PRH1: variants seen among roughly 807,000 people sequenced by gnomAD.
PRH1 encodes proline rich protein HaeIII subfamily 1.
Under a neutral mutation model 7.9 loss-of-function variants are expected in PRH1, and 7 were observed. The ratio of observed to expected loss-of-function variants is 0.89; its 90% CI spans 0.50 to 1.67. PRH1 has a LOEUF of 1.67. Ranked by LOEUF, PRH1 falls within the 40% of genes most tolerant of loss-of-function variation. The pLI is 0.00. For synonymous variants in PRH1, 45 were observed against 80.8 expected (o/e 0.56, Z 2.38); for missense variants, 109 against 223.6 (o/e 0.49, Z 3.27).
intron 1 of PRH1, among the ~76,000 whole-genome samples, chr12:10,995,751 A>G (rs887934223): frequency 6.6e-6 from 1 of 152,148 alleles, no homozygotes; most frequent in Non-Finnish European, 1.5e-5. Flanking sequence ...TCAGATCTCA[A>G]CTTCAAAAAG....
At chr12:11,090,982 T>TA (rs1172465467) in intron 1 of PRH1, among the ~76,000 whole-genome samples, 2 of 108,402 alleles carry the variant, frequency 1.8e-5, no homozygotes, top group Non-Finnish European at 4.3e-5. Context: ...ATGAATGAAA[T>TA]AAACATGGCT....
intron 1 of PRH1, among the ~76,000 whole-genome samples, chr12:11,156,254 T>C (rs1947246006): frequency 1.3e-5 from 2 of 152,076 alleles, no homozygotes; most frequent in Non-Finnish European, 2.9e-5. Flanking sequence ...AGTTGATCCT[T>C]TCAACATAAT....
chr12:10,884,046 G>A lies in PRH1; in HGVS notation c.64+108C>T. ...TGATCCTCAGCATGAGAACTCTGCA[G>A]TCCCATCTGTTTTCTCATCCTCCTC... On this transcript the variant is annotated intron_variant, in intron 1 of 3. Coordinates refer to ENST00000543626, the MANE Select transcript of PRH1 (RefSeq NM_001393989.1). 6 of 1,331,484 alleles carry A rather than the reference G, an allele frequency of 4.5e-6. No individual in the cohort carries two copies. In the South Asian group the frequency reaches 7.7e-5, roughly 17 times the overall value. 82.5% of individuals were successfully genotyped at this position (1,331,484 alleles called of 1,614,324 possible).
intron 1 of PRH1, among the ~76,000 whole-genome samples, chr12:11,043,575 G>A (rs553266339): frequency 6.6e-6 from 1 of 151,228 alleles, no homozygotes; most frequent in South Asian, 2.1e-4. Context: ...TATTAGAATT[G>A]ATAAACAAAC....
intron 1 of PRH1, among the ~76,000 whole-genome samples, chr12:11,071,774 G>A (rs1202324466): frequency 1.7e-4 from 26 of 152,250 alleles, no homozygotes; most frequent in Middle Eastern, 3.4e-3. Context: ...ACATGTCGGT[G>A]TATGTTATTC....
intron 1 of PRH1, among the ~76,000 whole-genome samples, chr12:11,028,364 T>G (rs566669331): frequency 2.0e-5 from 3 of 152,334 alleles, no homozygotes; most frequent in African/African-American, 7.2e-5. Context: ...GGAAGCCAAG[T>G]ACATGCATCT....
intron 1 of PRH1, among the ~76,000 whole-genome samples, chr12:10,990,227 C>G (rs1216309669): frequency 1.3e-5 from 2 of 152,180 alleles, no homozygotes; most frequent in African/African-American, 4.8e-5. Context: ...AAAGGACAGT[C>G]TCTTCACTAA....
chr12:11,003,208 A>C (rs1940675708), intron 1 of PRH1, among the ~76,000 whole-genome samples: 1 of 151,972 alleles, frequency 6.6e-6, no homozygotes, highest in African/African-American at 2.4e-5. Context: ...TATTCAGCAA[A>C]ACTCTAATTA....
chr12:10,978,425 T>A (rs550383509), intron 1 of PRH1, among the ~76,000 whole-genome samples: 14 of 152,276 alleles, frequency 9.2e-5, no homozygotes, highest in African/African-American at 3.1e-4. Flanking sequence ...CAAGCTGGAT[T>A]AAATACTAAA....
At chr12:10,987,127 T>C (rs1264559349) in intron 1 of PRH1, among the ~76,000 whole-genome samples, 1 of 152,196 alleles carries the variant, frequency 6.6e-6, no homozygotes, top group Admixed American at 6.5e-5. Context: ...TGTGATGGGC[T>C]TGAATTATTC....
intron 1 of PRH1, among the ~76,000 whole-genome samples, chr12:11,165,545 A>T (rs868178635): frequency 2.0e-5 from 3 of 152,176 alleles, no homozygotes; most frequent in Non-Finnish European, 4.4e-5. Context: ...ATTTTAACAC[A>T]TTAATCATAA....
chr12:11,116,255 G>T (rs1362807868), downstream of PRH1, among the ~76,000 whole-genome samples: 1 of 151,814 alleles, frequency 6.6e-6, no homozygotes, highest in Non-Finnish European at 1.5e-5. Flanking sequence ...ACTACTATGA[G>T]CAACTATATG....
At chr12:11,021,799 T>C (rs1380643947) in intron 1 of PRH1, 1 of 1,614,140 alleles carries the variant, frequency 6.2e-7, no homozygotes, top group Non-Finnish European at 8.5e-7. Flanking sequence ...GAGTACAAGT[T>C]TGCTCTGCTG....
intron 1 of PRH1, among the ~76,000 whole-genome samples, chr12:11,037,909 G>A (rs1439685237): frequency 1.3e-5 from 2 of 152,184 alleles, no homozygotes; most frequent in African/African-American, 4.8e-5. Context: ...GGGTGTGGTG[G>A]TGCACACCTG....
At chr12:11,118,930 A>C (rs1019298838), downstream of PRH1, among the ~76,000 whole-genome samples, 1 of 141,172 alleles carries the variant, frequency 7.1e-6, no homozygotes, top group Non-Finnish European at 1.5e-5. Context: ...GGGAGGCTGA[A>C]GTTGCAGTGA....
At chr12:10,947,746 G>GT (rs1257993881) in intron 2 of PRH1, among the ~76,000 whole-genome samples, 1 of 151,670 alleles carries the variant, frequency 6.6e-6, no homozygotes. Flanking sequence ...GTGTTTCAGG[G>GT]TTTTTTTTAT....
intron 2 of PRH1, chr12:10,932,167 G>A: frequency 2.4e-6 from 1 of 410,038 alleles, no homozygotes; most frequent in Admixed American, 2.4e-5. Flanking sequence ...AAACCAATGA[G>A]GTATTAGACA....
chr12:11,145,555 T>A (rs1005260626), intron 1 of PRH1, among the ~76,000 whole-genome samples: 2 of 152,180 alleles, frequency 1.3e-5, no homozygotes, highest in Non-Finnish European at 2.9e-5. Context: ...TTAGAATTTC[T>A]CAAATTAAAT....
At chr12:10,920,064 T>A (rs114362306) in intron 2 of PRH1, among the ~76,000 whole-genome samples, 4,133 of 152,128 alleles carry the variant, frequency 0.027, 196 homozygotes, top group African/African-American at 0.094. Context: ...CCAGCTACTT[T>A]TTTGATGCTT....
Sources: allele counts gnomAD v4.1 joint callset (sites outside exome capture counted in the v4.1 genomes callset), GRCh38; gene constraint gnomAD v4.1.1; transcripts MANE v1.5; gene names NCBI Gene and HGNC (gene_info 2026-07-23, HGNC 2026-07-21).